LRP2: variants seen among roughly 807,000 people sequenced by gnomAD.
LRP2 encodes LDL receptor related protein 2.
Under a neutral mutation model 531.0 loss-of-function variants are expected in LRP2, and 172 were observed. The ratio of observed to expected loss-of-function variants is 0.32; its 90% CI spans 0.29 to 0.37. The LOEUF is 0.37. Among genes scored for constraint, LRP2 ranks in the 10% least tolerant of loss-of-function variants. The probability of loss-of-function intolerance (pLI) is 1.00; values close to 1 mark genes in which losing one functional copy is unlikely to be tolerated. For synonymous variants in LRP2, 1,992 were observed against 2,027.6 expected (o/e 0.98, Z 0.47); for missense variants, 5,167 against 5,868.3 (o/e 0.88, Z 3.90).
intron 1 of LRP2, among the ~76,000 whole-genome samples, chr2:169,344,487 C>G (rs953648438): frequency 6.6e-6 from 1 of 152,100 alleles, no homozygotes; most frequent in Non-Finnish European, 1.5e-5. Flanking sequence ...TAAAAAGTAA[C>G]AACATTTTAG....
At chr2:169,226,043 G>A (rs982759113) in intron 32 of LRP2, among the ~76,000 whole-genome samples, 4 of 152,122 alleles carry the variant, frequency 2.6e-5, no homozygotes, top group Admixed American at 6.6e-5. Flanking sequence ...TATATTCGTC[G>A]AATATTTTCT....
chr2:169,142,019 C>A (rs1161985354), intron 71 of LRP2, among the ~76,000 whole-genome samples: 2 of 152,138 alleles, frequency 1.3e-5, no homozygotes, highest in Admixed American at 6.5e-5. Flanking sequence ...GGGGAAGGCC[C>A]CAAGGATGTG....
chr2:169,204,963 G>A (rs901793638), intron 41 of LRP2, among the ~76,000 whole-genome samples: 1 of 151,530 alleles, frequency 6.6e-6, no homozygotes, highest in African/African-American at 2.4e-5. Flanking sequence ...ATGCGCTGAG[G>A]AGAAGCTTGC....
intron 4 of LRP2, among the ~76,000 whole-genome samples, chr2:169,306,200 C>A (rs1050370587): frequency 3.3e-5 from 5 of 151,864 alleles, no homozygotes; most frequent in Admixed American, 6.6e-5. Context: ...CAAGGAACTT[C>A]TGGAAAAATT....
At chr2:169,237,565 A>G (rs1689651587) in intron 27 of LRP2, among the ~76,000 whole-genome samples, 1 of 152,238 alleles carries the variant, frequency 6.6e-6, no homozygotes, top group South Asian at 2.1e-4. Flanking sequence ...GCAATTAAGA[A>G]AAAGCTCTAT....
At chr2:169,313,214 C>G (rs1684665736) in intron 3 of LRP2, among the ~76,000 whole-genome samples, 2 of 152,180 alleles carry the variant, frequency 1.3e-5, no homozygotes, top group Admixed American at 1.3e-4. Context: ...TCTCAACTCT[C>G]AAAGTCACTC....
intron 27 of LRP2, 42 bp downstream of exon 27, chr2:169,238,049 A>G (rs773217914): frequency 1.9e-6 from 3 of 1,552,736 alleles, no homozygotes; most frequent in East Asian, 2.2e-5. Flanking sequence ...GACCCAAGAC[A>G]GAGGAACTAG....
Position 169,129,098 on chromosome 2 carries a change from G to C in LRP2, c.13729-14C>G, listed in dbSNP as rs759258938. On this transcript the variant is annotated splice_polypyrimidine_tract_variant and intron_variant, in intron 77 of 78. Transcript: ENST00000649046. Reference sequence around the variant, plus strand: ...CCATTTTGTCACCTAAATGAAAAGGGGAAAACAAAAACCTCTCAGTAATGG... The same window carrying C: ...CCATTTTGTCACCTAAATGAAAAGGCGAAAACAAAAACCTCTCAGTAATGG... The C allele has an allele frequency of 6.4e-7, 1 of 1,565,068 alleles. No homozygotes were observed. The highest frequency in any genetic ancestry group is 8.8e-7 in the Non-Finnish European group (1 of 1,135,718).
intron 10 of LRP2, among the ~76,000 whole-genome samples, chr2:169,281,560 A>C (rs1683704969): frequency 6.6e-6 from 1 of 151,946 alleles, no homozygotes; most frequent in African/African-American, 2.4e-5. Context: ...CTCTACTAAA[A>C]ATACAAAAAT....
intron 16 of LRP2, among the ~76,000 whole-genome samples, chr2:169,261,477 T>C: frequency 6.6e-6 from 1 of 150,992 alleles, no homozygotes; most frequent in South Asian, 2.1e-4. Flanking sequence ...ATTAGCTAAT[T>C]TGATTTCTGA....
intron 34 of LRP2, among the ~76,000 whole-genome samples, 200 bp downstream of exon 34, chr2:169,220,254 T>C (rs144520855): frequency 8.6e-4 from 131 of 152,368 alleles, no homozygotes; most frequent in Non-Finnish European, 1.6e-3. Flanking sequence ...TTGAAGACCA[T>C]AGGACAAAAT....
chr2:169,245,152 A>G (rs556926877), intron 21 of LRP2, among the ~76,000 whole-genome samples: 1 of 152,334 alleles, frequency 6.6e-6, no homozygotes, highest in Admixed American at 6.5e-5. Flanking sequence ...ATGCACCCAC[A>G]CACATCATAT....
chr2:169,285,236 G>T (rs781268832), intron 9 of LRP2, among the ~76,000 whole-genome samples: 8 of 151,884 alleles, frequency 5.3e-5, no homozygotes, highest in African/African-American at 7.3e-5. Context: ...GTGGGAGGCT[G>T]CAGTGAGCGT....
At chr2:169,270,840 TATC>T (rs1683393034) in intron 16 of LRP2, 61 bp downstream of exon 16, 2 of 1,113,764 alleles carry the variant, frequency 1.8e-6, no homozygotes, top group African/African-American at 3.1e-5. Context: ...AAGTTGTAAG[TATC>T]ATTACAATAA....
chr2:169,285,133 G>C (rs1454936154), intron 9 of LRP2, among the ~76,000 whole-genome samples: 2 of 148,728 alleles, frequency 1.3e-5, no homozygotes, highest in African/African-American at 5.0e-5. Flanking sequence ...ATATGGCAAG[G>C]GTTTATGTGT....
intron 63 of LRP2, among the ~76,000 whole-genome samples, chr2:169,160,081 C>T (rs1686516077): frequency 1.3e-5 from 2 of 152,148 alleles, no homozygotes; most frequent in South Asian, 2.1e-4. Context: ...AAAAGAAATA[C>T]CCTACTTTCC....
chr2:169,318,941 A>G, intron 2 of LRP2, 57 bp from the exon 3 acceptor site: 1 of 1,606,414 alleles, frequency 6.2e-7, no homozygotes, highest in Non-Finnish European at 8.5e-7. Flanking sequence ...TTATACTAGC[A>G]AGCAATGCTT....
intron 75 of LRP2, among the ~76,000 whole-genome samples, chr2:169,137,711 A>G (rs1685569763): frequency 6.6e-6 from 1 of 151,958 alleles, no homozygotes; most frequent in Non-Finnish European, 1.5e-5. Flanking sequence ...ATTATTATGC[A>G]AAGTAACATA....
rs556041490 is a variant in LRP2, at chr2:169,349,401, T to A, written c.79+12920A>T. On this transcript the variant is annotated intron_variant, in intron 1 of 78. Transcript: ENST00000649046. ...CACCATGTCAGGGAAAACAAGGATA[T>A]CACTGTGCCTGGTGCACTGTGCATG... Among the ~76,000 whole-genome samples the A allele has an allele frequency of 2.0e-5, 3 of 152,164 alleles. No homozygotes were observed. The East Asian group carries it at 5.8e-4, about 30-fold the overall frequency.
Sources: allele counts gnomAD v4.1 joint callset (sites outside exome capture counted in the v4.1 genomes callset), GRCh38; gene constraint gnomAD v4.1.1; transcripts MANE v1.5; gene names NCBI Gene and HGNC (gene_info 2026-07-23, HGNC 2026-07-21).